The following CENPO variants were observed in gnomAD, a reference collection of about 807,000 sequenced individuals.
CENPO encodes centromere protein O.
CENPO carries 30 observed loss-of-function variants against 36.1 expected under a neutral mutation model. The observed-to-expected ratio is 0.83, with a 90% CI of 0.62 to 1.13. The LOEUF (loss-of-function observed/expected upper bound fraction) is 1.13. CENPO is among the 50% of genes most tolerant of loss of function. CENPO has a pLI of 0.00. For synonymous variants in CENPO, 171 were observed against 142.3 expected (o/e 1.20, Z -1.44); for missense variants, 349 against 357.8 (o/e 0.98, Z 0.20).
intron 3 of CENPO, among the ~76,000 whole-genome samples, chr2:24,813,384 T>C (rs1326426856): frequency 6.6e-6 from 1 of 152,240 alleles, no homozygotes; most frequent in African/African-American, 2.4e-5. Context: ...ATTTCCGGTT[T>C]CCCTTACTCC....
At chr2:24,793,773 C>T in intron 1 of CENPO, 79 bp from the exon 2 acceptor site, 1 of 1,140,416 alleles carries the variant, frequency 8.8e-7, no homozygotes, top group South Asian at 1.3e-5. Context: ...AGGGGTTGTG[C>T]CTGAGTGGTG....
rs184494879 is a variant in CENPO at position 24,806,024 on chromosome 2, C to T, written c.216+6180C>T. 1.1e-3 allele frequency among the ~76,000 whole-genome samples: 165 copies of T among 152,342 alleles called. 1 individual carries two copies. The highest frequency in any genetic ancestry group is 1.7e-3 in the Non-Finnish European group (118 of 68,038). ...TTACCTATCCAAGCCTCGGCAAGGGCGGGCGCCCCTCCCCCAGCCTTGCTG... is the reference window on the plus strand; with the variant it reads ...TTACCTATCCAAGCCTCGGCAAGGGTGGGCGCCCCTCCCCCAGCCTTGCTG... On this transcript the variant is annotated intron_variant, in intron 3 of 7. Transcript: ENST00000380834.
rs536449552 is a variant in CENPO at position 24,798,855 on chromosome 2, G to A, written c.47-820G>A. 2.6e-5 allele frequency among the ~76,000 whole-genome samples: 4 copies of A among 152,150 alleles called. No individual in the cohort carries two copies. In the South Asian group the frequency reaches 8.3e-4, roughly 32 times the overall value. On this transcript the variant is annotated intron_variant, in intron 2 of 7. Coordinates refer to ENST00000380834, the MANE Select transcript of CENPO (RefSeq NM_001322101.2). ...GATAGGTGAATGAGATAAGTTTTTG[G>A]ATTCCGTCCCAAGGCAAGGAGAGAA...
chr2:24,811,813 G>A (rs1452606103), intron 3 of CENPO, among the ~76,000 whole-genome samples: 1 of 152,092 alleles, frequency 6.6e-6, no homozygotes, highest in Non-Finnish European at 1.5e-5. Flanking sequence ...GGCCAGTCTG[G>A]TCTTGAACTC....
intron 3 of CENPO, among the ~76,000 whole-genome samples, chr2:24,806,039 C>T (rs1308547175): frequency 6.6e-6 from 1 of 152,224 alleles, no homozygotes; most frequent in Non-Finnish European, 1.5e-5. Flanking sequence ...GCCCCTCCCC[C>T]AGCCTTGCTG....
At chr2:24,793,665 C>T (rs1665737461) in intron 1 of CENPO, 164 bp downstream of exon 1, 1 of 1,178,200 alleles carries the variant, frequency 8.5e-7, no homozygotes, top group Non-Finnish European at 1.2e-6. Context: ...GGGATGGGCG[C>T]GGGGGTGGGC....
intron 1 of CENPO, 153 bp downstream of exon 1, chr2:24,793,654 C>T: frequency 8.0e-7 from 1 of 1,252,374 alleles, no homozygotes; most frequent in South Asian, 1.6e-5. Flanking sequence ...GCCGGGGCCG[C>T]GGGATGGGCG....
chr2:24,815,619 C>T lies in CENPO; in HGVS notation c.457C>T (p.His153Tyr), dbSNP rs547353937. The T allele has an allele frequency of 1.3e-5, 21 of 1,614,172 alleles. No individual in the cohort carries two copies. The Middle Eastern group carries it at 6.6e-4, about 51-fold the overall frequency. Reference protein sequence around the residue: ...VIQKPLRIHHHSVPVFIPLEE... With the variant: ...VIQKPLRIHHYSVPVFIPLEE... ...ACAGAAACCACTCCGGATACATCACCATTCAGTCCCAGTCTTCATTCCCCT... is the reference window on the plus strand; with the variant it reads ...ACAGAAACCACTCCGGATACATCACTATTCAGTCCCAGTCTTCATTCCCCT... Residue 153 changes from histidine (H) to tyrosine (Y), a missense_variant, in exon 5 of 8, where the codon CAT (histidine) becomes TAT (tyrosine). His to Tyr is a moderately conservative substitution (Grantham distance 83). Coordinates refer to ENST00000380834, the MANE Select transcript of CENPO (RefSeq NM_001322101.2).
At chr2:24,818,463 G>C (rs1375714951) in intron 7 of CENPO, among the ~76,000 whole-genome samples, 1 of 137,078 alleles carries the variant, frequency 7.3e-6, no homozygotes, top group East Asian at 2.3e-4. Context: ...TGAAACTTTT[G>C]AAAAGGAAGT....
intron 2 of CENPO, among the ~76,000 whole-genome samples, chr2:24,798,689 C>T (rs553154213): frequency 3.3e-5 from 5 of 151,808 alleles, no homozygotes; most frequent in African/African-American, 9.7e-5. Flanking sequence ...CTTGATGTCC[C>T]GACCTCGTGA....
In CENPO at chr2:24,815,526, G is replaced by A. The variant is rs1390736677; in HGVS notation, c.364G>A (p.Val122Ile). ...CAGTGGTAAACTGACCAGCCGAGGA[G>A]TTTGTGTCTGCATCAGTACTGCTTT... ...GLSGKLTSRG[V>I]CVCISTAFEG... Residue 122 changes from valine (V) to isoleucine (I), a missense_variant, in exon 5 of 8, where the codon GTT (valine) becomes ATT (isoleucine). Physicochemically the swap from Val to Ile is conservative, Grantham distance 29. Transcript: ENST00000380834. 3.1e-6 allele frequency: 5 copies of A among 1,613,936 alleles called. No homozygotes were observed. The highest frequency in any genetic ancestry group is 1.6e-4 in the Middle Eastern group (1 of 6,084).
chr2:24,815,541 A>G lies in CENPO; in HGVS notation c.379A>G (p.Ser127Gly). 1 of 1,613,960 alleles carries G rather than the reference A, an allele frequency of 6.2e-7. No homozygotes were observed. Among genetic ancestry groups the G allele is most frequent in the Non-Finnish European group, 8.5e-7 (1 of 1,179,836 alleles). Residue 127 changes from serine to glycine, a missense_variant, in exon 5 of 8, where the codon AGT (serine) becomes GGT (glycine). Physicochemically the swap from Ser to Gly is moderately conservative, Grantham distance 56. Transcript: ENST00000380834. ...CAGCCGAGGAGTTTGTGTCTGCATCAGTACTGCTTTTGAGGGGAACCTATT... is the reference window on the plus strand; with the variant it reads ...CAGCCGAGGAGTTTGTGTCTGCATCGGTACTGCTTTTGAGGGGAACCTATT... ...LTSRGVCVCI[S>G]TAFEGNLLDS...
chr2:24,817,174 T>C (rs539644376), intron 6 of CENPO, among the ~76,000 whole-genome samples: 56 of 152,204 alleles, frequency 3.7e-4, no homozygotes, highest in Non-Finnish European at 7.9e-4. Context: ...CTCATTTCAC[T>C]GTGAAGACAA....
rs2278482 is a variant in CENPO, at chr2:24,816,747, G to A, written c.696G>A (p.Pro232=). The A allele has an allele frequency of 1.6e-4, 250 of 1,612,074 alleles. 2 individuals are homozygous for A. The East Asian group carries it at 5.0e-3, about 33-fold the overall frequency. Residue 232 remains proline, a synonymous_variant, in exon 6 of 8, where the codon CCG becomes CCA. Coordinates refer to ENST00000380834, the MANE Select transcript of CENPO (RefSeq NM_001322101.2). ...YKLDPGGQSF[P]FCARLLYKDL... Reference sequence around the variant, plus strand: ...TGGATCCAGGGGGTCAGTCCTTCCCGTTCTGTGCTAGATTGCTGTATAAGG... The same window carrying A: ...TGGATCCAGGGGGTCAGTCCTTCCCATTCTGTGCTAGATTGCTGTATAAGG...
intron 4 of CENPO, 31 bp downstream of exon 4, chr2:24,814,524 C>G: frequency 1.0e-6 from 1 of 984,932 alleles, no homozygotes; most frequent in South Asian, 1.3e-5. Flanking sequence ...CTAATTTAGT[C>G]TGGGTCTGCC....
rs764775276 is a variant in CENPO at position 24,799,695 on chromosome 2, A to G, written c.67A>G (p.Arg23Gly). Residue 23 changes from arginine to glycine, a missense_variant, in exon 3 of 8, where the codon AGG becomes GGG. Coordinates refer to ENST00000380834, the MANE Select transcript of CENPO (RefSeq NM_001322101.2). ...CTTAGGTGTTTTAGCTCACTTGGAA[A>G]GGCTAGAGACCCAAGTGAGCAGATC... is the stretch of plus-strand genomic sequence containing the variant. ...SKGGVLAHLE[R>G]LETQVSRSRK... is the part of the protein sequence containing the mutation. The G allele has an allele frequency of 6.2e-7, 1 of 1,613,112 alleles. No individual in the cohort carries two copies. The highest frequency in any genetic ancestry group is 1.1e-5 in the South Asian group (1 of 90,976).
chr2:24,810,876 T>C (rs1192603234), intron 3 of CENPO, among the ~76,000 whole-genome samples: 1 of 152,228 alleles, frequency 6.6e-6, no homozygotes, highest in East Asian at 1.9e-4. Flanking sequence ...GGTATTCTTC[T>C]TGTAAATAGC....
At chr2:24,806,343 C>T (rs1666404381) in intron 3 of CENPO, among the ~76,000 whole-genome samples, 1 of 152,220 alleles carries the variant, frequency 6.6e-6, no homozygotes. Context: ...CACCCACGGT[C>T]CGACACTTCC....
intron 3 of CENPO, 45 bp downstream of exon 3, chr2:24,799,889 A>T: frequency 1.3e-6 from 2 of 1,592,112 alleles, no homozygotes; most frequent in Non-Finnish European, 1.7e-6. Context: ...AGTATAATGA[A>T]CAAACGTGAT....
Sources: allele counts gnomAD v4.1 joint callset (sites outside exome capture counted in the v4.1 genomes callset), GRCh38; gene constraint gnomAD v4.1.1; transcripts MANE v1.5; gene names NCBI Gene and HGNC (gene_info 2026-07-23, HGNC 2026-07-21).